The following SLC35G2 variants were observed in gnomAD, a reference collection of about 807,000 sequenced individuals.
The protein encoded by SLC35G2 is solute carrier family 35 member G2, also known as transmembrane protein 22.
SLC35G2 carries 20 observed loss-of-function variants against 27.2 expected under a neutral mutation model. The observed-to-expected ratio is 0.74, with a 90% CI of 0.52 to 1.07. The LOEUF is 1.07. Ranked by LOEUF, SLC35G2 falls within the 50% of genes least tolerant of loss-of-function variation. SLC35G2 has a pLI of 0.00. For synonymous variants in SLC35G2, 148 were observed against 165.3 expected (o/e 0.90, Z 0.80); for missense variants, 416 against 493.3 (o/e 0.84, Z 1.48).
intron 1 of SLC35G2, among the ~76,000 whole-genome samples, chr3:136,849,689 T>C (rs12695654): frequency 0.68 from 102,698 of 150,948 alleles, 35,213 homozygotes; most frequent in East Asian, 0.87. Context: ...GACGAGGTTT[T>C]ACCATGTTGG....
At chr3:136,850,869 G>A (rs1457159712) in intron 1 of SLC35G2, among the ~76,000 whole-genome samples, 1 of 152,082 alleles carries the variant, frequency 6.6e-6, no homozygotes, top group Non-Finnish European at 1.5e-5. Context: ...TGGTGTACAA[G>A]TGTCTTAGCT....
chr3:136,837,322 AAG>A (rs1234406343), intron 1 of SLC35G2: 1 of 152,230 alleles, frequency 6.6e-6, no homozygotes, highest in Admixed American at 6.5e-5. Context: ...ACAGAAATAA[AAG>A]AGCTACAATT....
chr3:136,828,752 G>A (rs895609552), intron 1 of SLC35G2, among the ~76,000 whole-genome samples: 1 of 152,140 alleles, frequency 6.6e-6, no homozygotes, highest in Admixed American at 6.6e-5. Context: ...TTATCAATAA[G>A]TAAGGACTTC....
In SLC35G2 at chr3:136,854,355, C is replaced by G. The variant is rs193204689; in HGVS notation, c.-18-88C>G. 6.0e-4 allele frequency: 517 copies of G among 861,602 alleles called. 6 individuals carry two copies. In the Admixed American group the frequency reaches 0.013, roughly 22 times the overall value. 53.4% of individuals were successfully genotyped at this position (861,602 alleles called of 1,614,324 possible). A position where few individuals can be genotyped will look rare whatever the true frequency, so the allele number is the denominator to read the frequency against. On this transcript the variant is annotated intron_variant, in intron 1 of 1. Coordinates refer to ENST00000446465, the MANE Select transcript of SLC35G2 (RefSeq NM_025246.3). The stretch of plus-strand genomic sequence containing the variant: ...GGACTACTGTTACAGCCTCTACTTT[C>G]TATCATTGAATTGATGCATATGATT...
intron 1 of SLC35G2, among the ~76,000 whole-genome samples, chr3:136,840,521 T>TCTCTCTCCCTCCCTCC (rs1322446937): frequency 7.0e-6 from 1 of 141,898 alleles, no homozygotes; most frequent in Non-Finnish European, 1.5e-5. Context: ...TCCCTTCCTC[T>TCTCTCTCCCTCCCTCC]CTCTCTCCCT....
At chr3:136,839,346 T>C (rs1478893388) in intron 1 of SLC35G2, among the ~76,000 whole-genome samples, 1 of 152,226 alleles carries the variant, frequency 6.6e-6, no homozygotes, top group Non-Finnish European at 1.5e-5. Flanking sequence ...GATTTTAAAA[T>C]GTCACAACAC....
rs1244235468 is a variant in SLC35G2, at chr3:136,821,241, T to A, written c.-19+1613T>A. Among the ~76,000 whole-genome samples, 8 of 149,592 alleles carry A rather than the reference T, an allele frequency of 5.3e-5. No individual in the cohort carries two copies. The East Asian group carries it at 1.6e-3, about 29-fold the overall frequency. ...ACATTTTAAATGGACCAATCCTCTA[T>A]TGGTTGCGTTTTTGCTATATAATTT... On this transcript the variant is annotated intron_variant, in intron 1 of 1. Coordinates refer to ENST00000446465, the MANE Select transcript of SLC35G2 (RefSeq NM_025246.3).
rs1461889234 is a variant in SLC35G2 at position 136,837,962 on chromosome 3, C to G, written c.-18-16481C>G. ...CAAGCAATCCTCCAGCCTCAGCCTC[C>G]CATGTATACAGCTGGGACTACAGGC... is the stretch of plus-strand genomic sequence containing the variant. On this transcript the variant is annotated intron_variant, in intron 1 of 1. Coordinates refer to ENST00000446465, the MANE Select transcript of SLC35G2 (RefSeq NM_025246.3). The G allele has an allele frequency of 3.3e-5, 5 of 152,088 alleles. No homozygotes were observed. In the East Asian group the frequency reaches 7.7e-4, roughly 24 times the overall value. The allele number at this position is 152,088 out of a possible 1,614,324, so 9.4% of individuals were successfully genotyped here. A position where few individuals can be genotyped will look rare whatever the true frequency, so the allele number is the denominator to read the frequency against.
At chr3:136,853,230 G>A (rs915467526) in intron 1 of SLC35G2, among the ~76,000 whole-genome samples, 1 of 151,980 alleles carries the variant, frequency 6.6e-6, no homozygotes, top group Non-Finnish European at 1.5e-5. Context: ...CGAGTAGCTG[G>A]AATTACAGAC....
intron 1 of SLC35G2, among the ~76,000 whole-genome samples, chr3:136,829,466 C>T (rs1271345177): frequency 4.6e-5 from 7 of 152,058 alleles, no homozygotes; most frequent in Admixed American, 6.6e-5. Context: ...GTGATCTGCC[C>T]GCCTCAGCCT....
chr3:136,849,561 G>C (rs1404378300), intron 1 of SLC35G2, among the ~76,000 whole-genome samples: 3 of 151,426 alleles, frequency 2.0e-5, no homozygotes, highest in African/African-American at 7.3e-5. Flanking sequence ...GTGCGATCTT[G>C]GCTCACTGCA....
intron 1 of SLC35G2, among the ~76,000 whole-genome samples, chr3:136,825,414 T>G (rs1936560451): frequency 6.6e-6 from 1 of 151,946 alleles, no homozygotes; most frequent in Admixed American, 6.6e-5. Flanking sequence ...GCTAATTTTT[T>G]GTATTTTTAG....
At chr3:136,826,171 G>A (rs1936581046) in intron 1 of SLC35G2, among the ~76,000 whole-genome samples, 1 of 151,930 alleles carries the variant, frequency 6.6e-6, no homozygotes. Flanking sequence ...CAAGTAGCTG[G>A]GACTACAGGT....
At chr3:136,846,526 AC>A (rs954568095) in intron 1 of SLC35G2, 4 of 152,100 alleles carry the variant, frequency 2.6e-5, no homozygotes, top group Admixed American at 2.0e-4. Context: ...GTGGGCACTT[AC>A]CCCATGTGAA....
intron 1 of SLC35G2, among the ~76,000 whole-genome samples, chr3:136,850,705 AT>A (rs1937596450): frequency 6.6e-6 from 1 of 152,070 alleles, no homozygotes; most frequent in Non-Finnish European, 1.5e-5. Context: ...AAAAAAAAAA[AT>A]AATGCAGCTG....
chr3:136,822,659 C>T (rs1380139974), intron 1 of SLC35G2, among the ~76,000 whole-genome samples: 1 of 152,168 alleles, frequency 6.6e-6, no homozygotes, highest in East Asian at 1.9e-4. Flanking sequence ...TTTTAGATCC[C>T]ACAGATAAGT....
chr3:136,826,107 G>GTTCA (rs953848737), intron 1 of SLC35G2, among the ~76,000 whole-genome samples: 2 of 151,336 alleles, frequency 1.3e-5, no homozygotes, highest in Non-Finnish European at 2.9e-5. Flanking sequence ...CGCGATCTTG[G>GTTCA]CTCACTGCAA....
chr3:136,855,729 TCA>T lies in SLC35G2; in HGVS notation c.*31_*32del. The T allele has an allele frequency of 6.9e-7, 1 of 1,459,570 alleles. No homozygotes were observed. The highest frequency in any genetic ancestry group is 9.3e-7 in the Non-Finnish European group (1 of 1,074,098). The allele number at this position is 1,459,570 out of a possible 1,614,324, so 90.4% of individuals were successfully genotyped here. A position where few individuals can be genotyped will look rare whatever the true frequency, so the allele number is the denominator to read the frequency against. On this transcript the variant is annotated 3_prime_UTR_variant, in exon 2 of 2. Coordinates refer to ENST00000446465, the MANE Select transcript of SLC35G2 (RefSeq NM_025246.3). ...CTGATTATTATTGTCTCATTAATGT[TCA>T]GTTATTATGTATACTGCCATTTTAA...
chr3:136,849,526 C>G (rs1361714790), intron 1 of SLC35G2, among the ~76,000 whole-genome samples: 3 of 151,362 alleles, frequency 2.0e-5, no homozygotes, highest in Non-Finnish European at 4.4e-5. Flanking sequence ...GACAAGTTCT[C>G]TGTCTCCCAG....
Sources: gnomAD v4.1 joint callset for allele counts (sites outside exome capture counted in the v4.1 genomes callset) on GRCh38, gnomAD v4.1.1 for gene constraint, MANE v1.5 for transcripts, NCBI Gene and HGNC (gene_info 2026-07-23, HGNC 2026-07-21) for gene names.